Variants in CTU1 observed in about 807,000 individuals in gnomAD.
CTU1 encodes cytoplasmic tRNA 2-thiolation protein 1.
CTU1 carries 15 observed loss-of-function variants against 12.9 expected under a neutral mutation model. The observed-to-expected ratio is 1.16, with a 90% CI of 0.78 to 1.79. The LOEUF is 1.79. Ranked by LOEUF, CTU1 falls within the 40% of genes most tolerant of loss-of-function variation. The probability of loss-of-function intolerance (pLI) is 0.00; values close to 1 mark genes in which losing one functional copy is unlikely to be tolerated. For missense variants in CTU1, 553 were observed against 550.5 expected (o/e 1.00, Z -0.05); for synonymous variants, 295 against 275.6 (o/e 1.07, Z -0.70).
chr19:51,098,788 C>A lies in CTU1; in HGVS notation c.860G>T (p.Cys287Phe). The A allele has an allele frequency of 9.4e-7, 1 of 1,059,364 alleles. No homozygotes were observed. Among genetic ancestry groups the A allele is most frequent in the Non-Finnish European group, 1.1e-6 (1 of 878,236 alleles). The allele number at this position is 1,059,364 out of a possible 1,614,324, so 65.6% of individuals were successfully genotyped here. ...GCTGGCCAGCGCCCCACAGCGGGAG[C>A]AGGCGCCGGGGCGCGGGGGCCGCGC... ...PAARPPRPGA[C>F]SRCGALASRA... is the part of the protein sequence containing the mutation. Residue 287 changes from cysteine to phenylalanine, a missense_variant, in exon 3 of 3, where the codon TGC becomes TTC. By Grantham distance (205) the Cys-to-Phe change is radical (BLOSUM62 -2). This residue lies in a region of CTU1 where 500 missense variants were observed against 458.5 expected (regional missense o/e 1.09). Coordinates refer to ENST00000421832, the MANE Select transcript of CTU1 (RefSeq NM_145232.4). The surrounding 1 kb of genome is among the most constrained non-coding windows in gnomAD (Gnocchi z 4.3).
intron 2 of CTU1, among the ~76,000 whole-genome samples, chr19:51,103,833 C>G (rs1410932308): frequency 6.6e-6 from 1 of 152,232 alleles, no homozygotes; most frequent in Non-Finnish European, 1.5e-5. Flanking sequence ...TGATCACTGC[C>G]TGGCCCCTCT....
At chr19:51,103,677 A>T (rs928286041) in intron 2 of CTU1, among the ~76,000 whole-genome samples, 11 of 152,078 alleles carry the variant, frequency 7.2e-5, no homozygotes, top group Non-Finnish European at 1.5e-4. Context: ...AAAGAGCTGG[A>T]TTCTGAAAGG....
At position 51,098,963 on chromosome 19, in the gene CTU1, G is replaced by T; in HGVS notation, c.685C>A (p.Arg229Ser). The part of the protein sequence containing the change: ...KEVVLYAHFR[R>S]LDYFSEECVY... ...CACTCCTCGGAGAAGTAGTCGAGGC[G>T]GCGGAAGTGCGCGTACAGCACCACC... is the stretch of plus-strand genomic sequence containing the variant. The change falls in exon 3 of 3, where the codon CGC (arginine) becomes AGC (serine). Residue 229 changes from arginine (R) to serine (S), a missense_variant. This residue lies in a region of CTU1 where 500 missense variants were observed against 458.5 expected (regional missense o/e 1.09). Transcript: ENST00000421832. The surrounding 1 kb of genome is among the most constrained non-coding windows in gnomAD (Gnocchi z 4.3). The T allele has an allele frequency of 6.5e-7, 1 of 1,544,174 alleles. No individual in the cohort carries two copies. The highest frequency in any genetic ancestry group is 1.4e-5 in the African/African-American group (1 of 71,320).
chr19:51,098,550 C>T lies in CTU1; in HGVS notation c.*51G>A, dbSNP rs1035246666. ...ACGGGTTTATTCACAGTGTCATTTA[C>T]AGGCAGCCCCCACCCCGCGGCATCA... On this transcript the variant is annotated 3_prime_UTR_variant, in exon 3 of 3. Transcript: ENST00000421832. The surrounding 1 kb of genome is among the most constrained non-coding windows in gnomAD (Gnocchi z 4.3). 4.2e-5 allele frequency: 52 copies of T among 1,229,656 alleles called. No homozygotes were observed. The African/African-American group carries it at 8.2e-4, about 19-fold the overall frequency. 76.2% of individuals were successfully genotyped at this position (1,229,656 alleles called of 1,614,324 possible).
intron 2 of CTU1, among the ~76,000 whole-genome samples, chr19:51,099,953 G>C (rs2091903225): frequency 6.6e-6 from 1 of 152,066 alleles, no homozygotes; most frequent in Non-Finnish European, 1.5e-5. Flanking sequence ...GGGGAGGAGG[G>C]AGGCAGAAAA....
At chr19:51,105,974 C>CT (rs1369340150) in intron 1 of CTU1, among the ~76,000 whole-genome samples, 1 of 152,246 alleles carries the variant, frequency 6.6e-6, no homozygotes, top group African/African-American at 2.4e-5. Context: ...CTAGTCTGGT[C>CT]TGTCTCTCTC....
chr19:51,099,266 C>T (rs1477956907), intron 2 of CTU1, 127 bp from the exon 3 acceptor site: 2 of 817,180 alleles, frequency 2.4e-6, no homozygotes, highest in South Asian at 3.6e-5. Flanking sequence ...CACGGAGACC[C>T]AGGGCACAGT....
chr19:51,105,526 G>T (rs983540351), intron 1 of CTU1, among the ~76,000 whole-genome samples: 1 of 152,156 alleles, frequency 6.6e-6, no homozygotes, highest in Non-Finnish European at 1.5e-5. Context: ...ATCACCTCCA[G>T]CCTGGACTAC....
rs574640569 is a variant in CTU1, at chr19:51,098,798, G to A, written c.850C>T (p.Pro284Ser). Residue 284 changes from proline to serine, a missense_variant, in exon 3 of 3, where the codon CCC (proline) becomes TCC (serine). Pro to Ser is a moderately conservative substitution (Grantham distance 74, BLOSUM62 -1). Coordinates refer to ENST00000421832, the MANE Select transcript of CTU1 (RefSeq NM_145232.4). The surrounding 1 kb of genome is among the most constrained non-coding windows in gnomAD (Gnocchi z 4.3). ...GCCCCACAGCGGGAGCAGGCGCCGGGGCGCGGGGGCCGCGCGGCCGGGGCC... is the reference window on the plus strand; with the variant it reads ...GCCCCACAGCGGGAGCAGGCGCCGGAGCGCGGGGGCCGCGCGGCCGGGGCC... ...ALAPAARPPRPGACSRCGALA... is the reference protein window; with the variant it reads ...ALAPAARPPRSGACSRCGALA... The A allele has an allele frequency of 5.2e-5, 54 of 1,046,558 alleles. No individual in the cohort carries two copies. In the South Asian group the frequency reaches 1.7e-3, roughly 34 times the overall value. 64.8% of individuals were successfully genotyped at this position (1,046,558 alleles called of 1,614,324 possible).
In CTU1 at chr19:51,104,043, C is replaced by A; in HGVS notation, c.508+19G>T. 1 of 1,428,188 alleles carries A rather than the reference C, an allele frequency of 7.0e-7. No individual in the cohort carries two copies. The highest frequency in any genetic ancestry group is 2.7e-5 in the East Asian group (1 of 36,496). The allele number at this position is 1,428,188 out of a possible 1,614,324, so 88.5% of individuals were successfully genotyped here. A position where few individuals can be genotyped will look rare whatever the true frequency, so the allele number is the denominator to read the frequency against. ...CACTGCCTCGGAGAGTGCCGCTCTG[C>A]GGCCCGTACTACGCTCACCTGTCAC... On this transcript the variant is annotated intron_variant, in intron 2 of 2. Coordinates refer to ENST00000421832, the MANE Select transcript of CTU1 (RefSeq NM_145232.4).
At chr19:51,101,843 A>T (rs2091907718) in intron 2 of CTU1, among the ~76,000 whole-genome samples, 1 of 152,216 alleles carries the variant, frequency 6.6e-6, no homozygotes, top group African/African-American at 2.4e-5. Flanking sequence ...AATAATTATT[A>T]CAACAATTAT....
In CTU1 at chr19:51,099,036, C is replaced by T. The variant is rs1401489467; in HGVS notation, c.612G>A (p.Gly204=). The change falls in exon 3 of 3, where the codon GGG becomes GGA. Residue 204 remains glycine (G), a synonymous_variant. Transcript: ENST00000421832. ...GCGGGCGGCAGCGCGGCAGGGCGCC[C>T]CCCTCGCCGGGAGAGCCCAGGCCCC... ...RGGGLGSPGE[G]GALPRCRPLQ... 3 of 1,511,614 alleles carry T rather than the reference C, an allele frequency of 2.0e-6. No homozygotes were observed. The highest frequency in any genetic ancestry group is 2.6e-6 in the Non-Finnish European group (3 of 1,133,950). 93.6% of individuals were successfully genotyped at this position (1,511,614 alleles called of 1,614,324 possible). A position where few individuals can be genotyped will look rare whatever the true frequency, so the allele number is the denominator to read the frequency against.
chr19:51,102,874 C>T (rs34667288), intron 2 of CTU1, among the ~76,000 whole-genome samples: 2 of 152,138 alleles, frequency 1.3e-5, no homozygotes, highest in African/African-American at 2.4e-5. Context: ...ATTTCAAAAC[C>T]GTTCCTTGAC....
chr19:51,098,043 G>C lies in CTU1; in HGVS notation c.*558C>G, dbSNP rs1364147710. 6.6e-6 allele frequency: 1 copy of C among 152,316 alleles called. No individual in the cohort carries two copies. The highest frequency in any genetic ancestry group is 1.5e-5 in the Non-Finnish European group (1 of 68,104). The allele number at this position is 152,316 out of a possible 1,614,324, so 9.4% of individuals were successfully genotyped here. On this transcript the variant is annotated 3_prime_UTR_variant, in exon 3 of 3. Coordinates refer to ENST00000421832, the MANE Select transcript of CTU1 (RefSeq NM_145232.4). The surrounding 1 kb of genome is among the most constrained non-coding windows in gnomAD (Gnocchi z 4.3). ...GCTACACACGAAGCGCTGGAAGGGA[G>C]GCATCGTGACGGCGGCTGTGAATGG...
Position 51,099,149 on chromosome 19 carries a change from A to T in CTU1, c.509-10T>A. ...TCGTCGGCGTTGTGACCTGGTGGGG[A>T]GAGAAGGGAGCGGGTGAGGTGGGGC... is the stretch of plus-strand genomic sequence containing the variant. On this transcript the variant is annotated splice_polypyrimidine_tract_variant and intron_variant, in intron 2 of 2. Transcript: ENST00000421832. The T allele has an allele frequency of 1.3e-6, 2 of 1,566,394 alleles. No homozygotes were observed. The highest frequency in any genetic ancestry group is 1.8e-5 in the Admixed American group (1 of 55,992).
intron 2 of CTU1, among the ~76,000 whole-genome samples, chr19:51,101,659 A>G (rs1203210792): frequency 2.0e-5 from 3 of 152,046 alleles, no homozygotes; most frequent in African/African-American, 7.2e-5. Flanking sequence ...AGTAATGGTT[A>G]CCTCCCAAAG....
Position 51,104,133 on chromosome 19 carries a change from A to G in CTU1, c.437T>C (p.Phe146Ser). The change falls in exon 2 of 3, where the codon TTC becomes TCC. Residue 146 changes from phenylalanine to serine, a missense_variant. Phe to Ser is a radical substitution (Grantham distance 155). Coordinates refer to ENST00000421832, the MANE Select transcript of CTU1 (RefSeq NM_145232.4). ...CGCCCGGCGCCGCAGCACTCCACAG[A>G]AGGTGCAGCAGGAGCGGCTGCGGCC... ...GSGRSRSCCT[F>S]CGVLRRRALE... The G allele has an allele frequency of 6.6e-7, 1 of 1,511,266 alleles. No individual in the cohort carries two copies. Among genetic ancestry groups the G allele is most frequent in the Non-Finnish European group, 8.7e-7 (1 of 1,144,360 alleles). 93.6% of individuals were successfully genotyped at this position (1,511,266 alleles called of 1,614,324 possible).
chr19:51,103,918 A>G (rs977188359), intron 2 of CTU1, 144 bp downstream of exon 2: 7 of 854,256 alleles, frequency 8.2e-6, no homozygotes, highest in African/African-American at 1.8e-5. Flanking sequence ...ACCTCCGTAC[A>G]GGGATCCTCC....
chr19:51,103,894 A>T (rs66717916), intron 2 of CTU1, among the ~76,000 whole-genome samples, 168 bp downstream of exon 2: 20,748 of 152,072 alleles, frequency 0.14, 1,974 homozygotes, highest in East Asian at 0.56. Flanking sequence ...AAACTGCAGC[A>T]TGCGCCCTTC....
Sources: gnomAD v4.1 joint callset for allele counts (sites outside exome capture counted in the v4.1 genomes callset) on GRCh38, gnomAD v4.1.1 for gene constraint, gnomAD v4.1.1 regional missense constraint, Gnocchi (gnomAD v3.1) non-coding constraint, MANE v1.5 for transcripts, NCBI Gene and HGNC (gene_info 2026-07-23, HGNC 2026-07-21) for gene names.